SVEP1: variants seen among roughly 807,000 people sequenced by gnomAD.
SVEP1 encodes the protein sushi, von Willebrand factor type A, EGF and pentraxin domain-containing protein 1.
In SVEP1, 164 loss-of-function variants were observed where a neutral mutation model predicts 367.3. The observed-to-expected ratio is 0.45, with a 90% confidence interval of 0.39 to 0.51. SVEP1 has a LOEUF of 0.51. Among genes scored for constraint, SVEP1 ranks in the 20% least tolerant of loss-of-function variants. The pLI, the probability that SVEP1 is intolerant of heterozygous loss-of-function variation, is 0.00. For missense variants in SVEP1, 4,117 were observed against 4,425.3 expected (o/e 0.93, Z 1.98); for synonymous variants, 1,666 against 1,611.6 (o/e 1.03, Z -0.81).
At chr9:110,466,906 A>C (rs1041860011) in intron 17 of SVEP1, among the ~76,000 whole-genome samples, 40 of 152,098 alleles carry the variant, frequency 2.6e-4, no homozygotes, top group Non-Finnish European at 5.3e-4. Context: ...GAGGTGAAGC[A>C]ACTTGCTATA....
At chr9:110,480,788 G>C (rs1320804943) in intron 12 of SVEP1, among the ~76,000 whole-genome samples, 2 of 150,910 alleles carry the variant, frequency 1.3e-5, no homozygotes, top group African/African-American at 4.9e-5. Flanking sequence ...CACACCACCA[G>C]GCCCAACTAA....
chr9:110,476,382 G>T (rs1172918781), intron 13 of SVEP1, 67 bp from the exon 14 acceptor site: 1 of 1,214,688 alleles, frequency 8.2e-7, no homozygotes, highest in Non-Finnish European at 1.2e-6. Flanking sequence ...TAAACACTTT[G>T]CTCCCCTGGC....
At chr9:110,545,998 C>CACTAATGTGTGTAGTCCCCACA (rs1830215759) in intron 3 of SVEP1, 117 bp downstream of exon 3, 2 of 1,260,876 alleles carry the variant, frequency 1.6e-6, no homozygotes, top group Admixed American at 4.6e-5. Flanking sequence ...AAGAGATGTG[C>CACTAATGTGTGTAGTCCCCACA]CACTGACCCC....
chr9:110,427,733 A>G lies in SVEP1; in HGVS notation c.5833T>C (p.Cys1945Arg). The G allele has an allele frequency of 6.2e-7, 1 of 1,613,162 alleles. No homozygotes were observed. Among genetic ancestry groups the G allele is most frequent in the Non-Finnish European group, 8.5e-7 (1 of 1,179,544 alleles). The change falls in exon 36 of 48, where the codon TGC (cysteine) becomes CGC (arginine). Residue 1945 changes from cysteine (C) to arginine (R), a missense_variant. Coordinates refer to ENST00000374469, the MANE Select transcript of SVEP1 (RefSeq NM_153366.4). Reference protein sequence around the residue: ...YSLQGPSIIECTASGIWDRAP... With the variant: ...YSLQGPSIIERTASGIWDRAP... ...CTGTCCCAGATGCCAGAAGCCGTGC[A>G]TTCAATAATGGAAGGGCCCTGTAAG...
chr9:110,574,740 C>CTTTTTTTTTTT (rs1564180524), intron 1 of SVEP1, among the ~76,000 whole-genome samples: 3 of 106,332 alleles, frequency 2.8e-5, no homozygotes, highest in Non-Finnish European at 2.0e-5. Context: ...TCCAGTCGAC[C>CTTTTTTTTTTT]TTCTTTTTTT....
intron 36 of SVEP1, among the ~76,000 whole-genome samples, chr9:110,423,612 C>T (rs938090802): frequency 2.0e-5 from 3 of 151,728 alleles, no homozygotes; most frequent in African/African-American, 7.3e-5. Context: ...TGTCTTAAGC[C>T]TGACAAAAAA....
intron 8 of SVEP1, among the ~76,000 whole-genome samples, chr9:110,496,002 A>G (rs368460453): frequency 1.3e-5 from 2 of 152,230 alleles, no homozygotes; most frequent in African/African-American, 4.8e-5. Flanking sequence ...GTAAAGGGCA[A>G]AGAATTCTTC....
chr9:110,451,239 G>A (rs775330119), intron 23 of SVEP1, 50 bp downstream of exon 23: 2 of 1,408,362 alleles, frequency 1.4e-6, no homozygotes, highest in Non-Finnish European at 1.0e-6. Context: ...ACTAATTTGT[G>A]GTGGTTTACA....
intron 24 of SVEP1, among the ~76,000 whole-genome samples, chr9:110,448,508 T>C (rs2118605198): frequency 6.6e-6 from 1 of 152,330 alleles, no homozygotes; most frequent in East Asian, 1.9e-4. Context: ...CTTTACTGGG[T>C]CTCTGCATTT....
chr9:110,566,344 A>G (rs1001209967), intron 1 of SVEP1, among the ~76,000 whole-genome samples: 89 of 134,274 alleles, frequency 6.6e-4, no homozygotes, highest in African/African-American at 1.1e-3. Context: ...ATAAATAAAT[A>G]AATAAATAAA....
At chr9:110,552,914 GAC>G (rs1389940271) in intron 1 of SVEP1, among the ~76,000 whole-genome samples, 26 of 152,288 alleles carry the variant, frequency 1.7e-4, no homozygotes, top group African/African-American at 5.8e-4. Context: ...GCAATTTTAA[GAC>G]ACCTGAAGGA....
At chr9:110,435,483 A>G in intron 28 of SVEP1, 119 bp from the exon 29 acceptor site, 1 of 1,189,744 alleles carries the variant, frequency 8.4e-7, no homozygotes, top group Non-Finnish European at 1.2e-6. Flanking sequence ...GGGTGGAGGG[A>G]AGCAGGTATG....
chr9:110,432,205 T>G (rs998873018), intron 31 of SVEP1, among the ~76,000 whole-genome samples, 171 bp from the exon 32 acceptor site: 1 of 152,216 alleles, frequency 6.6e-6, no homozygotes, highest in Admixed American at 6.5e-5. Flanking sequence ...CAATAAAAGC[T>G]ATTATTTCCC....
intron 1 of SVEP1, among the ~76,000 whole-genome samples, chr9:110,577,637 A>T (rs1830641975): frequency 6.6e-6 from 1 of 152,166 alleles, no homozygotes; most frequent in Admixed American, 6.5e-5. Context: ...ATCTAACAAC[A>T]TTTCCATAAA....
In SVEP1 at chr9:110,379,490, A is replaced by G; in HGVS notation, c.10265T>C (p.Val3422Ala). The G allele has an allele frequency of 3.1e-6, 5 of 1,613,768 alleles. No individual in the cohort carries two copies. Among genetic ancestry groups the G allele is most frequent in the Non-Finnish European group, 4.2e-6 (5 of 1,179,758 alleles). Residue 3422 changes from valine (V) to alanine (A), a missense_variant, in exon 44 of 48, where the codon GTA (valine) becomes GCA (alanine). Physicochemically the swap from Val to Ala is moderately conservative, Grantham distance 64. Transcript: ENST00000374469. The part of the protein sequence containing the change: ...EKISCGPPAH[V>A]ENAIARGVHY... ...TACGCCTCGAGCAATTGCATTTTCTACGTGAGCTGGTGGACCACATGAGAT... is the reference window on the plus strand; with the variant it reads ...TACGCCTCGAGCAATTGCATTTTCTGCGTGAGCTGGTGGACCACATGAGAT...
At chr9:110,484,655 CA>C (rs1257028669) in intron 9 of SVEP1, among the ~76,000 whole-genome samples, 1 of 151,956 alleles carries the variant, frequency 6.6e-6, no homozygotes, top group Non-Finnish European at 1.5e-5. Flanking sequence ...AGTGAACAGA[CA>C]ACCTACAGAA....
At chr9:110,571,876 A>G (rs1413099579) in intron 1 of SVEP1, among the ~76,000 whole-genome samples, 1 of 152,216 alleles carries the variant, frequency 6.6e-6, no homozygotes, top group Non-Finnish European at 1.5e-5. Context: ...AAAAAGCCAG[A>G]TTTTTGAAAA....
intron 9 of SVEP1, among the ~76,000 whole-genome samples, chr9:110,484,811 C>T (rs546202234): frequency 2.6e-5 from 4 of 151,784 alleles, no homozygotes; most frequent in South Asian, 2.1e-4. Flanking sequence ...GATATTTATG[C>T]GGCCAACAAA....
Position 110,482,478 on chromosome 9 carries a change from T to C in SVEP1, c.2053A>G (p.Ile685Val), listed in dbSNP as rs1378334888. 1.9e-6 allele frequency: 3 copies of C among 1,574,220 alleles called. No individual in the cohort carries two copies. In the African/African-American group the frequency reaches 4.0e-5, roughly 21 times the overall value. The change falls in exon 11 of 48, where the codon ATT becomes GTT. Residue 685 changes from isoleucine (I) to valine (V), a missense_variant. Coordinates refer to ENST00000374469, the MANE Select transcript of SVEP1 (RefSeq NM_153366.4). The stretch of plus-strand genomic sequence containing the variant: ...TCTCCTTGTGTATGACTTCTGGTAA[T>C]GACCAATTCAGCCCCTGGAAAGGAA... ...FSDNSGAELV[I>V]TRSHTQGDLF...
Sources: allele counts gnomAD v4.1 joint callset (sites outside exome capture counted in the v4.1 genomes callset), GRCh38; gene constraint gnomAD v4.1.1; transcripts MANE v1.5; gene names NCBI Gene and HGNC (gene_info 2026-07-23, HGNC 2026-07-21).